PSMD3: variants seen among roughly 807,000 people sequenced by gnomAD.
PSMD3 encodes proteasome 26S subunit, non-ATPase 3, also known as 26S proteasome non-ATPase regulatory subunit 3.
A neutral mutation model predicts 62.8 loss-of-function variants in PSMD3; 5 were observed. The observed-to-expected ratio is 0.08, with a 90% confidence interval of 0.04 to 0.17. PSMD3 has a LOEUF of 0.17. Ranked by LOEUF, PSMD3 falls within the 10% of genes least tolerant of loss-of-function variation. The pLI, the probability that PSMD3 is intolerant of heterozygous loss-of-function variation, is 1.00. For synonymous variants in PSMD3, 265 were observed against 283.9 expected (o/e 0.93, Z 0.67); for missense variants, 524 against 713.6 (o/e 0.73, Z 3.03).
intron 1 of PSMD3, among the ~76,000 whole-genome samples, chr17:39,984,093 G>C (rs1049463310): frequency 1.3e-5 from 2 of 151,802 alleles, no homozygotes; most frequent in African/African-American, 4.8e-5. Flanking sequence ...CCAGCTACTC[G>C]GGAGGCTGAG....
chr17:39,997,769 G>A lies in PSMD3; in HGVS notation c.*188G>A, dbSNP rs773793154. On this transcript the variant is annotated 3_prime_UTR_variant, in exon 12 of 12. Transcript: ENST00000264639. ...GCTCCTCCCCAGCCGGTGACTTACT[G>A]TACAGCAGGCAGGAGGGTGGGCAGG... The A allele has an allele frequency of 1.2e-4, 82 of 674,402 alleles. No homozygotes were observed. The highest frequency in any genetic ancestry group is 1.5e-4 in the Non-Finnish European group (58 of 398,964). 41.8% of individuals were successfully genotyped at this position (674,402 alleles called of 1,614,324 possible).
At chr17:39,989,478 GTCA>G (rs1980603033) in intron 4 of PSMD3, among the ~76,000 whole-genome samples, 1 of 152,152 alleles carries the variant, frequency 6.6e-6, no homozygotes, top group South Asian at 2.1e-4. Flanking sequence ...CCCATCTTCT[GTCA>G]CACTGCAGGC....
rs768232203 is a variant in PSMD3, at chr17:39,996,131, AAAAAG to A, written c.1321-49_1321-45del. On this transcript the variant is annotated intron_variant, in intron 9 of 11. Coordinates refer to ENST00000264639, the MANE Select transcript of PSMD3 (RefSeq NM_002809.4). This position sits in a 1 kb window ranked among gnomAD's most constrained non-coding sequence, Gnocchi z 5.1. ...GCGAGACTCCATCTCAAAAAAAAAAAAAAAGAAGAAGCTGGGTGTGCTGGTGAACT... is the reference window on the plus strand; with the variant it reads ...GCGAGACTCCATCTCAAAAAAAAAAAAAGAAGCTGGGTGTGCTGGTGAACT... The A allele has an allele frequency of 1.8e-5, 29 of 1,606,992 alleles. No individual in the cohort carries two copies. Among genetic ancestry groups the A allele is most frequent in the Admixed American group, 1.0e-4 (6 of 59,048 alleles).
rs1017439065 is a variant in PSMD3 at position 39,980,864 on chromosome 17, C to G, written c.-107C>G. 8.9e-6 allele frequency: 9 copies of G among 1,016,654 alleles called. No individual in the cohort carries two copies. In the South Asian group the frequency reaches 1.6e-4, roughly 18 times the overall value. The allele number at this position is 1,016,654 out of a possible 1,614,324, so 63.0% of individuals were successfully genotyped here. A position where few individuals can be genotyped will look rare whatever the true frequency, so the allele number is the denominator to read the frequency against. ...TGCTCCGTCATCGTGCGGCCCGACG[C>G]TATCTCGCGCTCGTGTGCAGGCCCG... On this transcript the variant is annotated 5_prime_UTR_variant, in exon 1 of 12. Coordinates refer to ENST00000264639, the MANE Select transcript of PSMD3 (RefSeq NM_002809.4).
At chr17:39,994,765 C>T (rs1195607480) in intron 6 of PSMD3, 189 bp from the exon 7 acceptor site, 10 of 601,616 alleles carry the variant, frequency 1.7e-5, no homozygotes, top group Admixed American at 5.9e-5. Flanking sequence ...TCCCAGCACC[C>T]GGCTCCAAAG....
Position 39,984,407 on chromosome 17 carries a change from G to C in PSMD3, c.334G>C (p.Val112Leu). 6.2e-7 allele frequency: 1 copy of C among 1,613,864 alleles called. No individual in the cohort carries two copies. The highest frequency in any genetic ancestry group is 1.7e-4 in the Middle Eastern group (1 of 5,858). Residue 112 changes from valine to leucine, a missense_variant, in exon 2 of 12, where the codon GTT becomes CTT. Coordinates refer to ENST00000264639, the MANE Select transcript of PSMD3 (RefSeq NM_002809.4). ...PSTSRRLNHY[V>L]LYKAVQGFFT... is the part of the protein sequence containing the mutation. ...CACATCACGCCGCCTCAACCACTAT[G>C]TTCTGTATAAGGCTGTGCAGGGCTT...
intron 4 of PSMD3, 151 bp downstream of exon 4, chr17:39,988,970 G>A (rs1212654431): frequency 1.9e-6 from 2 of 1,049,874 alleles, no homozygotes; most frequent in Non-Finnish European, 2.8e-6. Context: ...GCCACGTGAG[G>A]GGTGTGGGAG....
At chr17:39,991,924 C>G (rs1980663259) in intron 6 of PSMD3, among the ~76,000 whole-genome samples, 1 of 151,768 alleles carries the variant, frequency 6.6e-6, no homozygotes, top group Non-Finnish European at 1.5e-5. Flanking sequence ...ACTTGGGAGG[C>G]TGAGGTGCAA....
chr17:39,989,058 C>T (rs940892159), intron 4 of PSMD3, among the ~76,000 whole-genome samples: 2 of 152,222 alleles, frequency 1.3e-5, no homozygotes, highest in Admixed American at 1.3e-4. Flanking sequence ...CTTCACCCCA[C>T]ATCAAGGTAG....
chr17:39,984,495 C>G lies in PSMD3; in HGVS notation c.411+11C>G, dbSNP rs764543961. ...CCCTTCCTGGAAGAGGTGAGTGAGT[C>G]AGGCCAACTTAAAGGGTGCAGGCCT... On this transcript the variant is annotated intron_variant, in intron 2 of 11. Transcript: ENST00000264639. 1.2e-6 allele frequency: 2 copies of G among 1,605,708 alleles called. No homozygotes were observed. Among genetic ancestry groups the G allele is most frequent in the Non-Finnish European group, 1.7e-6 (2 of 1,174,290 alleles).
At position 39,981,199 on chromosome 17, in the gene PSMD3, G is replaced by A; in HGVS notation, c.220+9G>A. The A allele has an allele frequency of 6.5e-7, 1 of 1,549,832 alleles. No individual in the cohort carries two copies. The highest frequency in any genetic ancestry group is 8.7e-7 in the Non-Finnish European group (1 of 1,146,644). Reference sequence around the variant, plus strand: ...CACAGTCACCTTGGAGGGTACGGCAGCCCAGGCCGGGAACGTGCCGCGATC... The same window carrying A: ...CACAGTCACCTTGGAGGGTACGGCAACCCAGGCCGGGAACGTGCCGCGATC... On this transcript the variant is annotated intron_variant, in intron 1 of 11. Coordinates refer to ENST00000264639, the MANE Select transcript of PSMD3 (RefSeq NM_002809.4).
intron 6 of PSMD3, among the ~76,000 whole-genome samples, chr17:39,992,162 C>A (rs1980673884): frequency 6.6e-6 from 1 of 152,114 alleles, no homozygotes; most frequent in African/African-American, 2.4e-5. Context: ...ACTAAAGTTT[C>A]TTTTGAAAAT....
intron 6 of PSMD3, among the ~76,000 whole-genome samples, chr17:39,990,952 G>C (rs936078766): frequency 6.6e-6 from 1 of 152,068 alleles, no homozygotes; most frequent in African/African-American, 2.4e-5. Context: ...AGGAAGGGAG[G>C]ATAATAAGTG....
rs553432079 is a variant in PSMD3, at chr17:39,980,861, A to C, written c.-110A>C. ...AGCTGCTCCGTCATCGTGCGGCCCG[A>C]CGCTATCTCGCGCTCGTGTGCAGGC... On this transcript the variant is annotated 5_prime_UTR_variant, in exon 1 of 12. Transcript: ENST00000264639. 1 of 1,002,922 alleles carries C rather than the reference A, an allele frequency of 1.0e-6. No homozygotes were observed. Among genetic ancestry groups the C allele is most frequent in the African/African-American group, 1.7e-5 (1 of 58,112 alleles). The allele number at this position is 1,002,922 out of a possible 1,614,324, so 62.1% of individuals were successfully genotyped here. A position where few individuals can be genotyped will look rare whatever the true frequency, so the allele number is the denominator to read the frequency against.
Position 39,995,609 on chromosome 17 carries a change from C to T in PSMD3, c.1320+82C>T, listed in dbSNP as rs1598315378. 1 of 1,356,020 alleles carries T rather than the reference C, an allele frequency of 7.4e-7. No homozygotes were observed. The highest frequency in any genetic ancestry group is 1.0e-6 in the Non-Finnish European group (1 of 952,874). 84.0% of individuals were successfully genotyped at this position (1,356,020 alleles called of 1,614,324 possible). ...GAGGCAGGAGTGGGAGGAGTTTGGC[C>T]AAGGAGGGGAATAGGTAAAGCAATG... is the stretch of plus-strand genomic sequence containing the variant. On this transcript the variant is annotated intron_variant, in intron 9 of 11. Transcript: ENST00000264639. The surrounding 1 kb of genome is among the most constrained non-coding windows in gnomAD (Gnocchi z 4.1).
chr17:39,995,929 G>A lies in PSMD3; in HGVS notation c.1321-254G>A. On this transcript the variant is annotated intron_variant, in intron 9 of 11. Coordinates refer to ENST00000264639, the MANE Select transcript of PSMD3 (RefSeq NM_002809.4). The surrounding 1 kb of genome is among the most constrained non-coding windows in gnomAD (Gnocchi z 4.1). ...AGGTCAGGAGTTTGAGACAAGCCTG[G>A]CCAACTTGGCGAAACCCCATCTCTA... 1 of 502,380 alleles carries A rather than the reference G, an allele frequency of 2.0e-6. No individual in the cohort carries two copies. Among genetic ancestry groups the A allele is most frequent in the Non-Finnish European group, 3.6e-6 (1 of 278,982 alleles). 31.1% of individuals were successfully genotyped at this position (502,380 alleles called of 1,614,324 possible).
rs925617617 is a variant in PSMD3 at position 39,995,471 on chromosome 17, A to G, written c.1264A>G (p.Ile422Val). ...CTATTCCCGAATCTCCTTGGCTGAC[A>G]TCGCCCAGAAGCTGCAGTTGGATAG... ...LSYSRISLAD[I>V]AQKLQLDSPE... is the part of the protein sequence containing the mutation. Residue 422 changes from isoleucine to valine, a missense_variant, in exon 9 of 12, where the codon ATC becomes GTC. By Grantham distance (29) the Ile-to-Val change is conservative. Transcript: ENST00000264639. The surrounding 1 kb of genome is among the most constrained non-coding windows in gnomAD (Gnocchi z 4.1). 29 of 1,613,972 alleles carry G rather than the reference A, an allele frequency of 1.8e-5. No individual in the cohort carries two copies. The highest frequency in any genetic ancestry group is 4.0e-5 in the African/African-American group (3 of 74,900).
Position 39,997,831 on chromosome 17 carries a change from G to C in PSMD3, c.*250G>C, listed in dbSNP as rs2012. 90,031 of 567,722 alleles carry C rather than the reference G, an allele frequency of 0.16. 9,139 individuals are homozygous for C. The highest frequency in any genetic ancestry group is 0.35 in the African/African-American group (18,875 of 53,300). The allele number at this position is 567,722 out of a possible 1,614,324, so 35.2% of individuals were successfully genotyped here. A position where few individuals can be genotyped will look rare whatever the true frequency, so the allele number is the denominator to read the frequency against. Reference sequence around the variant, plus strand: ...GGCAGGGTCCTGGCCAGCAGTGTGGGAGCAGGAGGGGAAGGATAGTTCTGT... The same window carrying C: ...GGCAGGGTCCTGGCCAGCAGTGTGGCAGCAGGAGGGGAAGGATAGTTCTGT... On this transcript the variant is annotated 3_prime_UTR_variant, in exon 12 of 12. Transcript: ENST00000264639.
rs764838309 is a variant in PSMD3 at position 39,984,127 on chromosome 17, C to G, written c.221-167C>G. Among the ~76,000 whole-genome samples, 3 of 139,988 alleles carry G rather than the reference C, an allele frequency of 2.1e-5. No homozygotes were observed. The Admixed American group carries it at 2.4e-4, about 11-fold the overall frequency. The allele number at this position is 139,988 out of a possible 152,430, so 91.8% of individuals were successfully genotyped here. A position where few individuals can be genotyped will look rare whatever the true frequency, so the allele number is the denominator to read the frequency against. ...AGGCAGGAGAATGGTGTGAACCCAG[C>G]AGGCAGAGCTTGCAGTGAGCCGAGA... On this transcript the variant is annotated intron_variant, in intron 1 of 11. Coordinates refer to ENST00000264639, the MANE Select transcript of PSMD3 (RefSeq NM_002809.4).
Sources: gnomAD v4.1 joint callset for allele counts (sites outside exome capture counted in the v4.1 genomes callset) on GRCh38, gnomAD v4.1.1 for gene constraint, Gnocchi (gnomAD v3.1) non-coding constraint, MANE v1.5 for transcripts, NCBI Gene and HGNC (gene_info 2026-07-23, HGNC 2026-07-21) for gene names.